Variants in AP2B1 observed in about 807,000 individuals in gnomAD.
AP2B1 encodes AP-2 complex subunit beta.
Under a neutral mutation model 102.0 loss-of-function variants are expected in AP2B1, and 23 were observed. The observed-to-expected ratio is 0.23, with a 90% confidence interval of 0.16 to 0.32. AP2B1 has a LOEUF of 0.32. Among genes scored for constraint, AP2B1 ranks in the 10% least tolerant of loss-of-function variants. The pLI, the probability that AP2B1 is intolerant of heterozygous loss-of-function variation, is 1.00. For synonymous variants in AP2B1, 381 were observed against 421.2 expected, an observed-to-expected ratio of 0.90 and a Z score of 1.17; for missense variants, 541 against 1,157.4, an observed-to-expected ratio of 0.47 and a Z score of 7.73.
intron 18 of AP2B1, among the ~76,000 whole-genome samples, chr17:35,690,214 A>G (rs753978764): frequency 6.6e-6 from 1 of 152,212 alleles, no homozygotes; most frequent in East Asian, 1.9e-4. Flanking sequence ...TTCTATAGGC[A>G]ACAACCTTCT....
chr17:35,679,256 AG>A (rs1422105068), intron 17 of AP2B1, among the ~76,000 whole-genome samples: 2 of 152,122 alleles, frequency 1.3e-5, no homozygotes, highest in Non-Finnish European at 2.9e-5. Context: ...TTGATTCTAG[AG>A]GGCTGATCTT....
chr17:35,679,115 G>A (rs2075762742), intron 17 of AP2B1, among the ~76,000 whole-genome samples: 1 of 152,172 alleles, frequency 6.6e-6, no homozygotes, highest in Non-Finnish European at 1.5e-5. Flanking sequence ...GTTGGAATTT[G>A]CAGGACTAGC....
At chr17:35,613,461 A>G (rs564967232) in intron 5 of AP2B1, among the ~76,000 whole-genome samples, 1 of 152,126 alleles carries the variant, frequency 6.6e-6, no homozygotes, top group African/African-American at 2.4e-5. Context: ...GTTGTTTTAC[A>G]ATTTATAGTT....
chr17:35,631,457 A>G (rs2074458502), intron 9 of AP2B1, among the ~76,000 whole-genome samples: 1 of 152,140 alleles, frequency 6.6e-6, no homozygotes. Context: ...TCTGGTAGAC[A>G]TCATTTTATA....
At chr17:35,630,412 A>G (rs1292851740) in intron 9 of AP2B1, among the ~76,000 whole-genome samples, 2 of 152,182 alleles carry the variant, frequency 1.3e-5, no homozygotes, top group Non-Finnish European at 2.9e-5. Context: ...TTACGTTAAC[A>G]TATCTTACTA....
chr17:35,639,416 G>A (rs1211558652), intron 10 of AP2B1, among the ~76,000 whole-genome samples, 179 bp from the exon 11 acceptor site: 1 of 152,110 alleles, frequency 6.6e-6, no homozygotes, highest in East Asian at 1.9e-4. Context: ...AATAATTGAA[G>A]GGAAATTTAA....
intron 14 of AP2B1, among the ~76,000 whole-genome samples, chr17:35,667,549 G>T (rs1447363159): frequency 6.6e-6 from 1 of 152,180 alleles, no homozygotes; most frequent in East Asian, 1.9e-4. Flanking sequence ...AGTACTTTCA[G>T]ATCCTTTCCA....
intron 12 of AP2B1, among the ~76,000 whole-genome samples, chr17:35,644,831 C>T (rs749351775): frequency 6.6e-6 from 1 of 152,000 alleles, no homozygotes; most frequent in Non-Finnish European, 1.5e-5. Flanking sequence ...CTCAGGAATT[C>T]GACCAGCCTG....
intron 21 of AP2B1, among the ~76,000 whole-genome samples, chr17:35,723,399 T>G (rs226427): frequency 6.6e-6 from 1 of 152,314 alleles, no homozygotes; most frequent in South Asian, 2.1e-4. Flanking sequence ...CCTAATCTTA[T>G]AGACCCACAT....
intron 21 of AP2B1, among the ~76,000 whole-genome samples, chr17:35,718,344 G>GTGTT (rs1212912826): frequency 6.6e-6 from 1 of 150,826 alleles, no homozygotes; most frequent in Non-Finnish European, 1.5e-5. Flanking sequence ...GTGTGTGTGT[G>GTGTT]TGTGTGTGTG....
At chr17:35,619,035 C>A (rs2074099984) in intron 5 of AP2B1, among the ~76,000 whole-genome samples, 1 of 152,104 alleles carries the variant, frequency 6.6e-6, no homozygotes, top group Non-Finnish European at 1.5e-5. Flanking sequence ...GGTTGAAGTT[C>A]ACAAGTCTTG....
chr17:35,660,389 A>G (rs938466315), intron 14 of AP2B1, among the ~76,000 whole-genome samples: 2 of 152,134 alleles, frequency 1.3e-5, no homozygotes, highest in African/African-American at 4.8e-5. Context: ...TAGTAAGGAC[A>G]TAGAATATCT....
intron 3 of AP2B1, among the ~76,000 whole-genome samples, chr17:35,602,650 AT>A (rs2073528157): frequency 6.6e-6 from 1 of 152,190 alleles, no homozygotes; most frequent in African/African-American, 2.4e-5. Flanking sequence ...TTTACATTAT[AT>A]TTTTCATGCT....
chr17:35,604,486 G>C (rs958278177), intron 3 of AP2B1, among the ~76,000 whole-genome samples: 1 of 152,002 alleles, frequency 6.6e-6, no homozygotes, highest in African/African-American at 2.4e-5. Flanking sequence ...GCCTGTGCGT[G>C]GTGGCTCACA....
At chr17:35,692,990 A>G (rs1404283416) in intron 18 of AP2B1, among the ~76,000 whole-genome samples, 1 of 103,452 alleles carries the variant, frequency 9.7e-6, no homozygotes, top group Admixed American at 1.2e-4. Context: ...GCGTTTTTTT[A>G]TGTTTGTTTT....
At chr17:35,631,361 T>A (rs2074456068) in intron 9 of AP2B1, among the ~76,000 whole-genome samples, 1 of 152,190 alleles carries the variant, frequency 6.6e-6, no homozygotes, top group Non-Finnish European at 1.5e-5. Context: ...TTACTATATA[T>A]AATTATAGAA....
chr17:35,689,099 C>A (rs992119905), intron 18 of AP2B1, among the ~76,000 whole-genome samples: 3 of 152,208 alleles, frequency 2.0e-5, no homozygotes, highest in South Asian at 4.1e-4. Context: ...ATCATTTATA[C>A]CCCTTTCCAT....
chr17:35,615,089 A>G (rs1230677637), intron 5 of AP2B1, among the ~76,000 whole-genome samples: 1 of 152,206 alleles, frequency 6.6e-6, no homozygotes, highest in Non-Finnish European at 1.5e-5. Context: ...AGAATTATCC[A>G]GCAGTAAATG....
chr17:35,633,310 A>G (rs373960397), intron 9 of AP2B1, among the ~76,000 whole-genome samples: 45 of 151,306 alleles, frequency 3.0e-4, no homozygotes, highest in African/African-American at 1.1e-3. Flanking sequence ...CAATGAGCAT[A>G]GATTGCGCCA....
Sources: gnomAD v4.1 joint callset for allele counts (sites outside exome capture counted in the v4.1 genomes callset) on GRCh38, gnomAD v4.1.1 for gene constraint, MANE v1.5 for transcripts, NCBI Gene and HGNC (gene_info 2026-07-23, HGNC 2026-07-21) for gene names.